LDLRAD4: variants seen among roughly 807,000 people sequenced by gnomAD.
The protein encoded by LDLRAD4 is low density lipoprotein receptor class A domain containing 4.
In LDLRAD4, 5 loss-of-function variants were observed where a neutral mutation model predicts 17.0. That is an observed-to-expected ratio of 0.29 (90% confidence interval 0.15 to 0.62). The LOEUF (loss-of-function observed/expected upper bound fraction) is 0.62. Ranked by LOEUF, LDLRAD4 falls within the 20% of genes least tolerant of loss-of-function variation. The pLI is 0.84. For missense variants in LDLRAD4, 340 were observed against 424.7 expected, an observed-to-expected ratio of 0.80 and a Z score of 1.75; for synonymous variants, 168 against 171.8, an observed-to-expected ratio of 0.98 and a Z score of 0.17.
intron 1 of LDLRAD4, among the ~76,000 whole-genome samples, chr18:13,285,568 T>G (rs537599543): frequency 1.3e-5 from 2 of 152,360 alleles, no homozygotes; most frequent in South Asian, 4.1e-4. Context: ...GTGGCGATGC[T>G]GGGTTAGCTT....
intron 3 of LDLRAD4, among the ~76,000 whole-genome samples, chr18:13,540,752 G>A (rs766709430): frequency 2.0e-5 from 3 of 152,236 alleles, no homozygotes; most frequent in Non-Finnish European, 2.9e-5. Context: ...TAGTTACAGC[G>A]TGTCAGAAGC....
intron 1 of LDLRAD4, among the ~76,000 whole-genome samples, chr18:13,254,297 G>A (rs1225388522): frequency 6.6e-6 from 1 of 152,226 alleles, no homozygotes; most frequent in Admixed American, 6.5e-5. Context: ...GGTGGACTCA[G>A]GGTTTTCTTT....
chr18:13,562,570 C>G (rs1228882759), intron 3 of LDLRAD4, among the ~76,000 whole-genome samples: 1 of 152,212 alleles, frequency 6.6e-6, no homozygotes, highest in East Asian at 1.9e-4. Context: ...CCCACGCGGT[C>G]CGTCAGAGCC....
intron 2 of LDLRAD4, among the ~76,000 whole-genome samples, chr18:13,401,302 A>G (rs2087165770): frequency 6.6e-6 from 1 of 151,546 alleles, no homozygotes; most frequent in Non-Finnish European, 1.5e-5. Context: ...TAAGACTGTC[A>G]GTTTTGGCTA....
At chr18:13,316,547 G>A (rs1156382003) in intron 1 of LDLRAD4, among the ~76,000 whole-genome samples, 4 of 152,208 alleles carry the variant, frequency 2.6e-5, no homozygotes, top group Non-Finnish European at 5.9e-5. Flanking sequence ...GCAAAGCCAC[G>A]GGTGGTTCTG....
intron 4 of LDLRAD4, chr18:13,642,787 A>G: frequency 1.7e-6 from 2 of 1,211,174 alleles, no homozygotes; most frequent in African/African-American, 1.6e-5. Flanking sequence ...TTCCACTTCA[A>G]ATCTAATCTG....
chr18:13,412,853 A>G (rs2088506136), intron 2 of LDLRAD4, among the ~76,000 whole-genome samples: 1 of 152,224 alleles, frequency 6.6e-6, no homozygotes, highest in African/African-American at 2.4e-5. Flanking sequence ...GATCTTATGG[A>G]CGATCACTTT....
At chr18:13,336,217 C>G (rs1463070153) in intron 1 of LDLRAD4, among the ~76,000 whole-genome samples, 1 of 152,194 alleles carries the variant, frequency 6.6e-6, no homozygotes, top group Non-Finnish European at 1.5e-5. Flanking sequence ...CAAATGTCAG[C>G]ATGAGGCTCG....
At chr18:13,638,839 C>G (rs906700460) in intron 4 of LDLRAD4, among the ~76,000 whole-genome samples, 5 of 152,330 alleles carry the variant, frequency 3.3e-5, no homozygotes, top group African/African-American at 1.2e-4. Flanking sequence ...TGTCTCCCAG[C>G]CCTTGGGGAC....
At chr18:13,518,023 C>T (rs551545556) in intron 3 of LDLRAD4, among the ~76,000 whole-genome samples, 8 of 152,276 alleles carry the variant, frequency 5.3e-5, no homozygotes, top group East Asian at 1.9e-4. Flanking sequence ...CGTGAGCCAC[C>T]GCGCCCGGCC....
intron 1 of LDLRAD4, among the ~76,000 whole-genome samples, chr18:13,387,116 G>T (rs1274302664): frequency 2.0e-5 from 3 of 152,226 alleles, no homozygotes; most frequent in African/African-American, 7.2e-5. Context: ...CGAGGTGTCT[G>T]TGAGGGCAGA....
intron 2 of LDLRAD4, among the ~76,000 whole-genome samples, chr18:13,406,807 C>CA (rs939805450): frequency 1.3e-5 from 2 of 152,180 alleles, no homozygotes; most frequent in African/African-American, 4.8e-5. Flanking sequence ...TCTGCACACT[C>CA]ACGGGAGGAA....
At chr18:13,448,192 G>A (rs939616226) in intron 3 of LDLRAD4, among the ~76,000 whole-genome samples, 2 of 152,212 alleles carry the variant, frequency 1.3e-5, no homozygotes, top group African/African-American at 4.8e-5. Flanking sequence ...AGAGGAGCTG[G>A]GGTGAAAAGG....
In LDLRAD4 at chr18:13,367,515, C is replaced by T. The variant is rs1311381235; in HGVS notation, c.-382-19826C>T. ...GATTCAGTGCACACCAGGCAGCTTC[C>T]GTCCAGGCGGAGAGCCAGGGCCCGG... On this transcript the variant is annotated intron_variant, in intron 1 of 5. Coordinates refer to ENST00000359446, the Ensembl canonical transcript of LDLRAD4. This position sits in a 1 kb window ranked among gnomAD's most constrained non-coding sequence, Gnocchi z 4.1. Among the ~76,000 whole-genome samples the T allele has an allele frequency of 1.3e-5, 2 of 152,194 alleles. No homozygotes were observed. Among genetic ancestry groups the T allele is most frequent in the Non-Finnish European group, 2.9e-5 (2 of 68,042 alleles).
At chr18:13,472,381 A>C (rs1452460338) in intron 3 of LDLRAD4, 1 of 152,246 alleles carries the variant, frequency 6.6e-6, no homozygotes, top group African/African-American at 2.4e-5. Context: ...TTAAGCTTTG[A>C]TTTCAGATAA....
intron 3 of LDLRAD4, among the ~76,000 whole-genome samples, chr18:13,516,404 T>C (rs1205767016): frequency 1.3e-5 from 2 of 152,194 alleles, no homozygotes; most frequent in East Asian, 3.9e-4. Context: ...CACCTGTATT[T>C]GTTCAGATGT....
At chr18:13,412,044 A>G (rs1006726083) in intron 2 of LDLRAD4, among the ~76,000 whole-genome samples, 3 of 152,076 alleles carry the variant, frequency 2.0e-5, no homozygotes, top group Non-Finnish European at 4.4e-5. Context: ...GGGTCTCACT[A>G]TGTTGCCCAG....
intron 1 of LDLRAD4, among the ~76,000 whole-genome samples, chr18:13,384,832 T>C (rs149155648): frequency 1.4e-3 from 214 of 152,378 alleles, no homozygotes; most frequent in African/African-American, 5.0e-3. Context: ...TTTTTAAAGG[T>C]TGTATAGTAC....
intron 2 of LDLRAD4, among the ~76,000 whole-genome samples, chr18:13,396,212 A>G (rs1284465174): frequency 6.6e-6 from 1 of 152,202 alleles, no homozygotes; most frequent in Non-Finnish European, 1.5e-5. Flanking sequence ...TGTGAGAAAG[A>G]CATCTCCTGG....
Sources: allele counts gnomAD v4.1 joint callset (sites outside exome capture counted in the v4.1 genomes callset), GRCh38; gene constraint gnomAD v4.1.1; non-coding constraint Gnocchi (gnomAD v3.1); transcripts MANE v1.5; gene names NCBI Gene and HGNC (gene_info 2026-07-23, HGNC 2026-07-21).